ZFHX4: variants seen among roughly 807,000 people sequenced by gnomAD.
ZFHX4 encodes the protein zinc finger homeobox protein 4.
In ZFHX4, 56 loss-of-function variants were observed where a neutral mutation model predicts 267.6. The observed-to-expected ratio is 0.21, with a 90% CI of 0.17 to 0.26. The LOEUF (loss-of-function observed/expected upper bound fraction) is 0.26. Among genes scored for constraint, ZFHX4 ranks in the 10% least tolerant of loss-of-function variants. The pLI, the probability that ZFHX4 is intolerant of heterozygous loss-of-function variation, is 1.00. For synonymous variants in ZFHX4, 1,778 were observed against 1,665.6 expected (o/e 1.07, Z -1.64); for missense variants, 4,332 against 4,420.0 (o/e 0.98, Z 0.56).
intron 1 of ZFHX4, among the ~76,000 whole-genome samples, chr8:76,687,152 C>T (rs1807712481): frequency 6.6e-6 from 1 of 152,202 alleles, no homozygotes; most frequent in Non-Finnish European, 1.5e-5. Flanking sequence ...TAATGGATTT[C>T]AAGTTGGATT....
At chr8:76,745,716 A>G (rs994899234) in intron 3 of ZFHX4, among the ~76,000 whole-genome samples, 1 of 152,170 alleles carries the variant, frequency 6.6e-6, no homozygotes, top group African/African-American at 2.4e-5. Flanking sequence ...AATATTATGT[A>G]CAGAAAAGCT....
chr8:76,689,839 G>A (rs951487137), intron 1 of ZFHX4, among the ~76,000 whole-genome samples: 4 of 152,028 alleles, frequency 2.6e-5, no homozygotes, highest in Admixed American at 6.6e-5. Flanking sequence ...AAATGGCTTT[G>A]GCACTAAAGT....
At chr8:76,741,782 A>C (rs942370693) in intron 3 of ZFHX4, among the ~76,000 whole-genome samples, 1 of 152,018 alleles carries the variant, frequency 6.6e-6, no homozygotes. Context: ...ATCTAAAACC[A>C]CTTTTTTTCA....
intron 1 of ZFHX4, among the ~76,000 whole-genome samples, chr8:76,686,945 C>A (rs1043676739): frequency 1.1e-4 from 16 of 152,186 alleles, no homozygotes; most frequent in East Asian, 1.9e-4. Context: ...GGTTTCCCCC[C>A]CTTCTAAGAC....
chr8:76,735,683 A>G (rs1809140262), intron 3 of ZFHX4, among the ~76,000 whole-genome samples: 1 of 152,132 alleles, frequency 6.6e-6, no homozygotes, highest in African/African-American at 2.4e-5. Flanking sequence ...TAAGTGAAGA[A>G]TCTCTGGATT....
At chr8:76,726,640 A>G (rs1808861554) in intron 3 of ZFHX4, among the ~76,000 whole-genome samples, 1 of 152,218 alleles carries the variant, frequency 6.6e-6, no homozygotes, top group South Asian at 2.1e-4. Flanking sequence ...AAAAAGTTAA[A>G]AGGAATAACA....
chr8:76,820,272 G>A lies in ZFHX4; in HGVS notation c.3326-13066G>A, dbSNP rs188111045. Among the ~76,000 whole-genome samples the A allele has an allele frequency of 1.6e-3, 237 of 152,072 alleles. 1 individual carries two copies. The highest frequency in any genetic ancestry group is 4.4e-3 in the South Asian group (21 of 4,818). On this transcript the variant is annotated intron_variant, in intron 4 of 10. Coordinates refer to ENST00000651372, the MANE Select transcript of ZFHX4 (RefSeq NM_024721.5). ...CCAAACACACTTTTTATTTTTTTCA[G>A]ATTACCGTATATTTTGCACATTTTT...
In ZFHX4 at chr8:76,707,920, A is replaced by G. The variant is rs990934665; in HGVS notation, c.2965A>G (p.Lys989Glu). The G allele has an allele frequency of 3.1e-6, 5 of 1,614,036 alleles. No homozygotes were observed. In the Admixed American group the frequency reaches 8.3e-5, roughly 27 times the overall value. Reference protein sequence around the residue: ...EGGKSNEWRLKCIAIGNPVHL... With the variant: ...EGGKSNEWRLECIAIGNPVHL... ...GGGCAAAAGCAATGAGTGGAGGTTG[A>G]AGTGTATTGCCATTGGCAACCCTGT... The change falls in exon 3 of 11, where the codon AAG becomes GAG. Residue 989 changes from lysine to glutamate, a missense_variant. Transcript: ENST00000651372.
Position 76,850,346 on chromosome 8 carries a change from G to T in ZFHX4, c.3948G>T (p.Gly1316=). The T allele has an allele frequency of 6.2e-7, 1 of 1,611,806 alleles. No individual in the cohort carries two copies. The highest frequency in any genetic ancestry group is 8.5e-7 in the Non-Finnish European group (1 of 1,179,046). The part of the protein sequence containing the change: ...RDTPAAVTAE[G]SGKYSGESPM... ...CACCTGCAGCCGTGACAGCTGAGGG[G>T]TCTGGGAAATATTCAGGTATGCCAT... Residue 1316 remains glycine, a synonymous_variant, in exon 9 of 11, where the codon GGG becomes GGT. Coordinates refer to ENST00000651372, the MANE Select transcript of ZFHX4 (RefSeq NM_024721.5).
At chr8:76,688,866 T>G (rs1018707670) in intron 1 of ZFHX4, among the ~76,000 whole-genome samples, 2 of 152,110 alleles carry the variant, frequency 1.3e-5, no homozygotes, top group Non-Finnish European at 2.9e-5. Context: ...TGTTGCTAGA[T>G]TTTAGAACTT....
chr8:76,721,242 A>G (rs555729306), intron 3 of ZFHX4, among the ~76,000 whole-genome samples: 24 of 152,340 alleles, frequency 1.6e-4, no homozygotes, highest in Non-Finnish European at 2.8e-4. Flanking sequence ...TCTGAATGTG[A>G]ATCATTTATT....
chr8:76,684,876 A>G (rs544476536), intron 1 of ZFHX4, among the ~76,000 whole-genome samples: 1 of 152,346 alleles, frequency 6.6e-6, no homozygotes, highest in South Asian at 2.1e-4. Flanking sequence ...ACTGTTTAAT[A>G]TTGCAGAATT....
At chr8:76,782,347 G>A (rs1464486295) in intron 4 of ZFHX4, 1 of 191,356 alleles carries the variant, frequency 5.2e-6, no homozygotes, top group Non-Finnish European at 1.1e-5. Context: ...GTTATAAATG[G>A]GGCATCACTT....
chr8:76,815,177 A>G (rs1443409372), intron 4 of ZFHX4, among the ~76,000 whole-genome samples: 1 of 152,196 alleles, frequency 6.6e-6, no homozygotes, highest in African/African-American at 2.4e-5. Flanking sequence ...ATGAATATGA[A>G]CATACTTTGA....
In ZFHX4 at chr8:76,704,079, A is replaced by G; in HGVS notation, c.-10A>G. 6.3e-7 allele frequency: 1 copy of G among 1,594,708 alleles called. No individual in the cohort carries two copies. Among genetic ancestry groups the G allele is most frequent in the Non-Finnish European group, 8.5e-7 (1 of 1,170,250 alleles). ...GCTGGATGAAATGAGATCCCCATGT[A>G]GCAATTGCCATGGAAACCTGTGACT... On this transcript the variant is annotated 5_prime_UTR_variant, in exon 2 of 11. The change abolishes the stop of an existing upstream ORF in the 5' untranslated region. Transcript: ENST00000651372.
At chr8:76,756,810 GA>G (rs1402995444) in intron 3 of ZFHX4, among the ~76,000 whole-genome samples, 1 of 151,866 alleles carries the variant, frequency 6.6e-6, no homozygotes, top group Non-Finnish European at 1.5e-5. Context: ...GCATATTTCT[GA>G]TTTTTTCTCT....
intron 3 of ZFHX4, among the ~76,000 whole-genome samples, chr8:76,725,755 T>A (rs1018834687): frequency 2.0e-5 from 3 of 152,136 alleles, no homozygotes; most frequent in Admixed American, 2.0e-4. Flanking sequence ...AAACACAAAG[T>A]ACAATATTAT....
intron 3 of ZFHX4, among the ~76,000 whole-genome samples, chr8:76,747,448 C>G (rs1809488007): frequency 6.6e-6 from 1 of 152,074 alleles, no homozygotes; most frequent in East Asian, 1.9e-4. Context: ...CAGTTAATTC[C>G]CAGTGTCTAT....
intron 4 of ZFHX4, among the ~76,000 whole-genome samples, chr8:76,805,793 G>T (rs1811229588): frequency 6.6e-6 from 1 of 151,780 alleles, no homozygotes; most frequent in South Asian, 2.1e-4. Context: ...GTCCATCTTA[G>T]CCATGATTTG....
Sources: allele counts gnomAD v4.1 joint callset (sites outside exome capture counted in the v4.1 genomes callset), GRCh38; gene constraint gnomAD v4.1.1; transcripts MANE v1.5; gene names NCBI Gene and HGNC (gene_info 2026-07-23, HGNC 2026-07-21).